Variants in BAHCC1 observed in about 807,000 individuals in gnomAD.
BAHCC1 encodes the protein BAH and coiled-coil domain-containing protein 1.
BAHCC1 carries 43 observed loss-of-function variants against 88.2 expected under a neutral mutation model. That is an observed-to-expected ratio of 0.49 (90% CI 0.38 to 0.63). The LOEUF is 0.63. Ranked by LOEUF, BAHCC1 falls within the 20% of genes least tolerant of loss-of-function variation. BAHCC1 has a pLI of 0.00. For missense variants in BAHCC1, 3,023 were observed against 1,654.8 expected (o/e 1.83, Z -14.34); for synonymous variants, 1,510 against 745.5 (o/e 2.03, Z -16.71).
intron 26 of BAHCC1, among the ~76,000 whole-genome samples, 167 bp downstream of exon 26, chr17:81,462,213 A>G (rs902620036): frequency 3.3e-5 from 5 of 152,254 alleles, no homozygotes; most frequent in Non-Finnish European, 7.3e-5. Flanking sequence ...TGACCCAGTG[A>G]GGCAGCCGCT....
At chr17:81,450,984 G>A (rs1195571124) in intron 11 of BAHCC1, 4 of 152,938 alleles carry the variant, frequency 2.6e-5, no homozygotes, top group Non-Finnish European at 5.9e-5. Flanking sequence ...TTGCTCTTTA[G>A]GTGTCCACAC....
intron 3 of BAHCC1, among the ~76,000 whole-genome samples, chr17:81,432,888 C>G (rs1269566274): frequency 1.6e-4 from 2 of 12,546 alleles, no homozygotes; most frequent in East Asian, 1.1e-3. Context: ...CCCAACCTCC[C>G]CCCCCATCCC....
At position 81,399,940 on chromosome 17, in the gene BAHCC1, C is replaced by T. The variant is rs2063792813; in HGVS notation, c.178+23C>T. 2 of 1,338,914 alleles carry T rather than the reference C, an allele frequency of 1.5e-6. No homozygotes were observed. The highest frequency in any genetic ancestry group is 9.6e-7 in the Non-Finnish European group (1 of 1,042,420). 82.9% of individuals were successfully genotyped at this position (1,338,914 alleles called of 1,614,324 possible). A position where few individuals can be genotyped will look rare whatever the true frequency, so the allele number is the denominator to read the frequency against. On this transcript the variant is annotated intron_variant, in intron 2 of 27. Coordinates refer to ENST00000675386, the MANE Select transcript of BAHCC1 (RefSeq NM_001377448.1). This position sits in a 1 kb window ranked among gnomAD's most constrained non-coding sequence, Gnocchi z 4.5. ...CAGGTCAGTGCTCGGCCGGGGCGGG[C>T]GCGGGACGGGAGCGTTCGAGAGCGG...
rs1555653174 is a variant in BAHCC1, at chr17:81,443,135, A to G, written c.1786A>G (p.Ile596Val). Reference sequence around the variant, plus strand: ...GGCAGGCCAGGGCACCGCCATGGCCATCAGCGAGGAGCGCAAGGCTGGCGC... The same window carrying G: ...GGCAGGCCAGGGCACCGCCATGGCCGTCAGCGAGGAGCGCAAGGCTGGCGC... The part of the protein sequence containing the change: ...VQAGQGTAMA[I>V]SEERKAGAYL... Residue 596 changes from isoleucine to valine, a missense_variant, in exon 5 of 28, where the codon ATC becomes GTC. By Grantham distance (29) the Ile-to-Val change is conservative (BLOSUM62 3). Coordinates refer to ENST00000675386, the MANE Select transcript of BAHCC1 (RefSeq NM_001377448.1). The G allele has an allele frequency of 5.1e-6, 4 of 777,788 alleles. No individual in the cohort carries two copies. The highest frequency in any genetic ancestry group is 9.6e-6 in the Non-Finnish European group (4 of 416,924). 48.2% of individuals were successfully genotyped at this position (777,788 alleles called of 1,614,324 possible).
chr17:81,425,183 G>GTGGGTGATGTGGTGGGTGGTGATAGTGC (rs2064165766), intron 2 of BAHCC1, among the ~76,000 whole-genome samples: 1 of 111,148 alleles, frequency 9.0e-6, no homozygotes, highest in Admixed American at 9.0e-5. Context: ...GGTGATAGTG[G>GTGGGTGATGTGGTGGGTGGTGATAGTGC]TGGGTGATGT....
chr17:81,437,115 G>A (rs1234445388), intron 3 of BAHCC1, among the ~76,000 whole-genome samples: 3 of 152,192 alleles, frequency 2.0e-5, no homozygotes, highest in African/African-American at 7.2e-5. Context: ...CTGTTTTCCA[G>A]GGAAGATTCA....
chr17:81,462,065 G>T lies in BAHCC1; in HGVS notation c.7383+19G>T, dbSNP rs146730394. 1.4e-6 allele frequency: 1 copy of T among 729,102 alleles called. No individual in the cohort carries two copies. Among genetic ancestry groups the T allele is most frequent in the South Asian group, 1.5e-5 (1 of 67,792 alleles). 45.2% of individuals were successfully genotyped at this position (729,102 alleles called of 1,614,324 possible). A position where few individuals can be genotyped will look rare whatever the true frequency, so the allele number is the denominator to read the frequency against. On this transcript the variant is annotated intron_variant, in intron 26 of 27. Transcript: ENST00000675386. ...CACACAGGTAGGTCCAGCGGGAGGC[G>T]GGAGGAGCTCCTGGTTCCCAAGGAA...
chr17:81,421,421 G>A (rs1221016636), intron 2 of BAHCC1, among the ~76,000 whole-genome samples: 2 of 152,234 alleles, frequency 1.3e-5, no homozygotes, highest in Non-Finnish European at 2.9e-5. Context: ...ACCGGGAGGC[G>A]GGGGTGACAG....
rs2064236852 is a variant in BAHCC1, at chr17:81,429,518, T to A, written c.358+2539T>A. Among the ~76,000 whole-genome samples, 8 of 152,028 alleles carry A rather than the reference T, an allele frequency of 5.3e-5. No individual in the cohort carries two copies. In the South Asian group the frequency reaches 1.7e-3, roughly 32 times the overall value. ...AGGCTGGCTGGCTGCCCGGGCAGCATGCCTGGCTGCTAGTTTGACAGGGTG... is the reference window on the plus strand; with the variant it reads ...AGGCTGGCTGGCTGCCCGGGCAGCAAGCCTGGCTGCTAGTTTGACAGGGTG... On this transcript the variant is annotated intron_variant, in intron 3 of 27. Transcript: ENST00000675386.
At chr17:81,457,155 G>T (rs1310524388) in intron 16 of BAHCC1, among the ~76,000 whole-genome samples, 2 of 152,164 alleles carry the variant, frequency 1.3e-5, no homozygotes, top group Non-Finnish European at 2.9e-5. Context: ...CCCCAGCCCT[G>T]CCTGGTGGGT....
At chr17:81,427,035 G>T in intron 3 of BAHCC1, 56 bp downstream of exon 3, 1 of 398,478 alleles carries the variant, frequency 2.5e-6, no homozygotes. Flanking sequence ...GACTGACCCT[G>T]GTGCCCGGGC....
At chr17:81,446,361 T>A (rs1036365469) in intron 10 of BAHCC1, among the ~76,000 whole-genome samples, 1 of 151,784 alleles carries the variant, frequency 6.6e-6, no homozygotes, top group Admixed American at 6.6e-5. Flanking sequence ...AAAACCCTGA[T>A]TAAAGCATCA....
At chr17:81,437,268 G>A (rs759455450) in intron 3 of BAHCC1, among the ~76,000 whole-genome samples, 9 of 152,368 alleles carry the variant, frequency 5.9e-5, no homozygotes, top group Admixed American at 2.6e-4. Context: ...ACAGCCAGCC[G>A]CTCGGCCCTC....
In BAHCC1 at chr17:81,451,521, G is replaced by A. The variant is rs1555655738; in HGVS notation, c.3977-147G>A. On this transcript the variant is annotated intron_variant, in intron 11 of 27. Transcript: ENST00000675386. ...AACAGGGGTGCTGGGTGTCAGCCCT[G>A]GTGCCCACCTCACTCTTCCCGGTCT... 8.3e-6 allele frequency: 5 copies of A among 603,128 alleles called. No homozygotes were observed. The African/African-American group carries it at 9.2e-5, about 11-fold the overall frequency. The allele number at this position is 603,128 out of a possible 1,614,324, so 37.4% of individuals were successfully genotyped here. A position where few individuals can be genotyped will look rare whatever the true frequency, so the allele number is the denominator to read the frequency against.
chr17:81,444,465 G>A lies in BAHCC1; in HGVS notation c.2409G>A (p.Gln803=), dbSNP rs782328483. The change falls in exon 7 of 28, where the codon CAG becomes CAA. Residue 803 remains glutamine (Q), a synonymous_variant. Transcript: ENST00000675386. ...ACCTGGCCCCCCACCTCATGATGCA[G>A]AGCGGCCAGCTGGGCGGGGACCCAG... ...PGDLAPHLMM[Q]SGQLGGDPAP... is the part of the protein sequence containing the mutation. The A allele has an allele frequency of 6.9e-6, 5 of 728,764 alleles. No homozygotes were observed. The highest frequency in any genetic ancestry group is 5.9e-5 in the South Asian group (4 of 68,200). The allele number at this position is 728,764 out of a possible 1,614,324, so 45.1% of individuals were successfully genotyped here.
chr17:81,427,862 G>A (rs1194764693), intron 3 of BAHCC1, among the ~76,000 whole-genome samples: 15 of 152,246 alleles, frequency 9.9e-5, no homozygotes, highest in Middle Eastern at 3.4e-3. Context: ...ACAGAGCGCC[G>A]CGGACCCACA....
intron 3 of BAHCC1, among the ~76,000 whole-genome samples, chr17:81,428,987 G>T (rs1399118472): frequency 6.6e-6 from 1 of 152,238 alleles, no homozygotes; most frequent in Non-Finnish European, 1.5e-5. Flanking sequence ...CCTCCAGGCG[G>T]GGGTGGCCTG....
chr17:81,450,152 C>T (rs1169589259), intron 11 of BAHCC1, among the ~76,000 whole-genome samples: 2 of 152,166 alleles, frequency 1.3e-5, no homozygotes, highest in Non-Finnish European at 2.9e-5. Context: ...TGCTCCTGGG[C>T]TTTCCCAGGG....
At chr17:81,463,423 C>T (rs2030475699) in intron 27 of BAHCC1, among the ~76,000 whole-genome samples, 188 bp from the exon 28 acceptor site, 1 of 152,206 alleles carries the variant, frequency 6.6e-6, no homozygotes, top group Non-Finnish European at 1.5e-5. Flanking sequence ...CGGCAGGTTC[C>T]TCGGCCTCTG....
Sources: allele counts gnomAD v4.1 joint callset (sites outside exome capture counted in the v4.1 genomes callset), GRCh38; gene constraint gnomAD v4.1.1; non-coding constraint Gnocchi (gnomAD v3.1); transcripts MANE v1.5; gene names NCBI Gene and HGNC (gene_info 2026-07-23, HGNC 2026-07-21).